ATP10B: variants seen among roughly 807,000 people sequenced by gnomAD.
ATP10B encodes the protein phospholipid-transporting ATPase VB.
ATP10B carries 122 observed loss-of-function variants against 141.2 expected under a neutral mutation model. The observed-to-expected ratio is 0.86, with a 90% CI of 0.75 to 1.00. The LOEUF (loss-of-function observed/expected upper bound fraction) is 1.00. Among genes scored for constraint, ATP10B ranks in the 50% least tolerant of loss-of-function variants. The pLI is 0.00. For missense variants in ATP10B, 1,876 were observed against 1,825.3 expected, an observed-to-expected ratio of 1.03 and a Z score of -0.51; for synonymous variants, 685 against 692.0, an observed-to-expected ratio of 0.99 and a Z score of 0.16.
rs939657771 is a variant in ATP10B, at chr5:160,606,979, T to C, written c.2946A>G (p.Thr982=). 2 of 1,614,004 alleles carry C rather than the reference T, an allele frequency of 1.2e-6. No individual in the cohort carries two copies. The highest frequency in any genetic ancestry group is 1.7e-6 in the Non-Finnish European group (2 of 1,180,016). ...CCACAGCTTCTGAGGTGATGGATGG[T>C]GTCTTGGAAGGTAAGCGGAATCCAA... The part of the protein sequence containing the change: ...KLFGFRLPSK[T]PSITSEAVVP... The change falls in exon 19 of 26, where the codon ACA becomes ACG. Residue 982 remains threonine, a synonymous_variant. Transcript: ENST00000327245.
intron 1 of ATP10B, among the ~76,000 whole-genome samples, chr5:160,801,057 G>A (rs1427290849): frequency 2.6e-5 from 4 of 152,130 alleles, no homozygotes; most frequent in Non-Finnish European, 5.9e-5. Context: ...TCTTTGTGGA[G>A]TTTCACATAC....
In ATP10B at chr5:160,634,610, A is replaced by G. The variant is rs757373418; in HGVS notation, c.1129-4T>C. On this transcript the variant is annotated splice_polypyrimidine_tract_variant and splice_region_variant and intron_variant, in intron 11 of 25. Coordinates refer to ENST00000327245, the MANE Select transcript of ATP10B (RefSeq NM_025153.3). ...ACAAAGAGATGGGGATCAGCACCTG[A>G]AAAGAGATGAGTTTCTACCATTCAG... 4.4e-6 allele frequency: 7 copies of G among 1,601,042 alleles called. No homozygotes were observed. In the African/African-American group the frequency reaches 9.4e-5, roughly 21 times the overall value.
In ATP10B at chr5:160,745,283, CT is replaced by C. The variant is rs981875514; in HGVS notation, c.-330-28250del. 7.1e-4 allele frequency among the ~76,000 whole-genome samples: 108 copies of C among 152,224 alleles called. 1 individual carries two copies. The highest frequency in any genetic ancestry group is 2.6e-3 in the African/African-American group (107 of 41,536). On this transcript the variant is annotated intron_variant, in intron 2 of 25. Coordinates refer to ENST00000327245, the MANE Select transcript of ATP10B (RefSeq NM_025153.3). Reference sequence around the variant, plus strand: ...ATAAATATGAAAAACCACTGGGCAGCTTTATTTTCATATGGAGTTTTTAAGA... The same window carrying C: ...ATAAATATGAAAAACCACTGGGCAGCTTATTTTCATATGGAGTTTTTAAGA...
Position 160,634,538 on chromosome 5 carries a change from G to T in ATP10B, c.1197C>A (p.Ser399Arg). The T allele has an allele frequency of 6.2e-7, 1 of 1,614,148 alleles. No homozygotes were observed. Among genetic ancestry groups the T allele is most frequent in the East Asian group, 2.2e-5 (1 of 44,878 alleles). ...LVKLGQVFFL[S>R]NDLDLYDEET... ...CTTCATCATACAGGTCAAGGTCATT[G>T]CTCAAGAAGAACACTTGCCCGAGCT... Residue 399 changes from serine (S) to arginine (R), a missense_variant, in exon 12 of 26, where the codon AGC (serine) becomes AGA (arginine). By Grantham distance (110) the Ser-to-Arg change is moderately radical. Transcript: ENST00000327245.
chr5:160,630,075 A>G (rs1758840100), intron 13 of ATP10B, among the ~76,000 whole-genome samples: 1 of 152,212 alleles, frequency 6.6e-6, no homozygotes, highest in Admixed American at 6.5e-5. Context: ...ACTCAAAAAT[A>G]CAATTGTTCC....
At chr5:160,716,005 G>A (rs776111969) in intron 3 of ATP10B, among the ~76,000 whole-genome samples, 26 of 152,068 alleles carry the variant, frequency 1.7e-4, no homozygotes, top group Non-Finnish European at 3.1e-4. Flanking sequence ...CACCATACCC[G>A]GCCAGAATTT....
chr5:160,831,999 G>A (rs1034418961), intron 1 of ATP10B, among the ~76,000 whole-genome samples: 1 of 152,034 alleles, frequency 6.6e-6, no homozygotes, highest in Non-Finnish European at 1.5e-5. Context: ...ACAATAATGG[G>A]AGCTGTGTTC....
chr5:160,739,514 T>G (rs1767329290), intron 2 of ATP10B, among the ~76,000 whole-genome samples: 2 of 152,140 alleles, frequency 1.3e-5, no homozygotes, highest in South Asian at 4.1e-4. Context: ...ATATGAGCAA[T>G]GGGCAATTGA....
chr5:160,582,871 G>A (rs1357965387), intron 24 of ATP10B, among the ~76,000 whole-genome samples: 2 of 152,040 alleles, frequency 1.3e-5, no homozygotes, highest in Admixed American at 6.6e-5. Context: ...GATCGATTCA[G>A]CTATTGATAC....
At chr5:160,682,209 T>G (rs1421951) in intron 6 of ATP10B, among the ~76,000 whole-genome samples, 3 of 152,254 alleles carry the variant, frequency 2.0e-5, no homozygotes, top group Non-Finnish European at 2.9e-5. Context: ...TAATCAAAGA[T>G]GAACAGGTTT....
chr5:160,917,938 G>T, the ATP10B span, among the ~76,000 whole-genome samples: 1 of 152,214 alleles, frequency 6.6e-6, no homozygotes, highest in Non-Finnish European at 1.5e-5. Context: ...GTGAGGACCA[G>T]CAGCCACAGC....
At chr5:160,878,709 T>G in the ATP10B span, among the ~76,000 whole-genome samples, 2 of 151,918 alleles carry the variant, frequency 1.3e-5, no homozygotes, top group Non-Finnish European at 2.9e-5. Context: ...AACAACCCCA[T>G]CAAAAAGTGG....
rs536369333 is a variant in ATP10B at position 160,830,112 on chromosome 5, T to C, written c.-576+21829A>G. 2.6e-5 allele frequency among the ~76,000 whole-genome samples: 4 copies of C among 152,204 alleles called. No individual in the cohort carries two copies. In the East Asian group the frequency reaches 7.7e-4, roughly 29 times the overall value. ...TTTATAGATGGCTCTTGAGGTATGT[T>C]CCTTCTATGCCTACTCTGTTGAGGG... On this transcript the variant is annotated intron_variant, in intron 1 of 25. Transcript: ENST00000327245.
rs750742335 is a variant in ATP10B at position 160,620,579 on chromosome 5, C to A, written c.2184G>T (p.Val728=). 6.2e-7 allele frequency: 1 copy of A among 1,613,792 alleles called. No homozygotes were observed. The highest frequency in any genetic ancestry group is 8.5e-7 in the Non-Finnish European group (1 of 1,179,708). The part of the protein sequence containing the change: ...EAESPDEAAL[V]HAAHAYSFTL... ...TGAAGCTGTAGGCATGGGCAGCGTG[C>A]ACCAGGGCGGCCTCATCAGGGCTCT... Residue 728 remains valine, a synonymous_variant, in exon 15 of 26, where the codon GTG becomes GTT. Transcript: ENST00000327245.
chr5:160,912,145 A>G, the ATP10B span, among the ~76,000 whole-genome samples: 39 of 152,200 alleles, frequency 2.6e-4, no homozygotes, highest in Non-Finnish European at 2.9e-5. Flanking sequence ...TGTATTCAGT[A>G]TAACTATTAC....
chr5:160,647,794 G>T (rs1760401043), intron 8 of ATP10B, among the ~76,000 whole-genome samples: 1 of 152,108 alleles, frequency 6.6e-6, no homozygotes, highest in Non-Finnish European at 1.5e-5. Flanking sequence ...GCCCTTCTCT[G>T]CTTGTCTCCT....
At chr5:160,649,135 G>T (rs746329409) in intron 8 of ATP10B, 36 bp downstream of exon 8, 2 of 1,421,246 alleles carry the variant, frequency 1.4e-6, no homozygotes, top group South Asian at 1.2e-5. Flanking sequence ...CTGCAGCGGA[G>T]ATATTTACTA....
the ATP10B span, among the ~76,000 whole-genome samples, chr5:160,873,646 C>A: frequency 6.6e-6 from 1 of 152,136 alleles, no homozygotes; most frequent in Non-Finnish European, 1.5e-5. Flanking sequence ...CTAGGGAGTG[C>A]CAGACAGTGG....
At chr5:160,848,927 T>C (rs1259944049) in intron 1 of ATP10B, among the ~76,000 whole-genome samples, 1 of 152,210 alleles carries the variant, frequency 6.6e-6, no homozygotes, top group African/African-American at 2.4e-5. Flanking sequence ...GCAGTACATA[T>C]AGTAACTGGG....
Sources: allele counts gnomAD v4.1 joint callset (sites outside exome capture counted in the v4.1 genomes callset), GRCh38; gene constraint gnomAD v4.1.1; transcripts MANE v1.5; gene names NCBI Gene and HGNC (gene_info 2026-07-23, HGNC 2026-07-21).